Variants in MFSD11 observed in about 807,000 individuals in gnomAD.
MFSD11 encodes the protein UNC93-like protein MFSD11.
A neutral mutation model predicts 53.5 loss-of-function variants in MFSD11; 36 were observed. The ratio of observed to expected loss-of-function variants is 0.67; its 90% CI spans 0.52 to 0.89. The LOEUF (loss-of-function observed/expected upper bound fraction) is 0.89, where lower values mean the gene tolerates loss of function less well. MFSD11 is among the 40% of genes least tolerant of loss of function. The pLI, the probability that MFSD11 is intolerant of heterozygous loss-of-function variation, is 0.00. For synonymous variants in MFSD11, 186 were observed against 184.9 expected (o/e 1.01, Z -0.05); for missense variants, 530 against 543.9 (o/e 0.97, Z 0.25).
intron 8 of MFSD11, among the ~76,000 whole-genome samples, chr17:76,762,528 G>A (rs888953429): frequency 1.3e-5 from 2 of 152,064 alleles, no homozygotes; most frequent in Non-Finnish European, 2.9e-5. Context: ...TTAGCCAGGC[G>A]TAGTGGCGGG....
chr17:76,802,644 C>T, the MFSD11 span, among the ~76,000 whole-genome samples: 4 of 152,120 alleles, frequency 2.6e-5, no homozygotes, highest in Admixed American at 6.6e-5. Context: ...TTCGGGAGGC[C>T]GAGGCAGGCA....
At chr17:76,741,210 A>G (rs2078054554) in intron 3 of MFSD11, 146 bp downstream of exon 3, 2 of 609,730 alleles carry the variant, frequency 3.3e-6, no homozygotes, top group Non-Finnish European at 2.9e-6. Context: ...CTTGTTGCTC[A>G]GGGATATCAT....
At chr17:76,792,062 G>C in the MFSD11 span, among the ~76,000 whole-genome samples, 1 of 148,144 alleles carries the variant, frequency 6.8e-6, no homozygotes, top group Non-Finnish European at 1.5e-5. Flanking sequence ...CTTCCAAAGC[G>C]AATTTTCTCT....
the MFSD11 span, among the ~76,000 whole-genome samples, chr17:76,787,202 C>G: frequency 7.0e-6 from 1 of 142,566 alleles, no homozygotes; most frequent in Non-Finnish European, 1.5e-5. Context: ...GTGGTGTGAT[C>G]TCGACTCACC....
At chr17:76,779,650 A>G (rs1313252253), downstream of MFSD11, among the ~76,000 whole-genome samples, 4 of 152,004 alleles carry the variant, frequency 2.6e-5, no homozygotes, top group Non-Finnish European at 5.9e-5. Context: ...ACACCTGGCT[A>G]ATTTTTGTAT....
At chr17:76,762,441 G>A (rs1441480592) in intron 8 of MFSD11, among the ~76,000 whole-genome samples, 1 of 152,266 alleles carries the variant, frequency 6.6e-6, no homozygotes, top group Admixed American at 6.5e-5. Flanking sequence ...TCCACGCAGA[G>A]TGCTGTAAAC....
intron 7 of MFSD11, among the ~76,000 whole-genome samples, chr17:76,746,814 A>C (rs1324436203): frequency 6.6e-6 from 1 of 152,222 alleles, no homozygotes; most frequent in Non-Finnish European, 1.5e-5. Flanking sequence ...GTACCTGATC[A>C]GCCAAGTGCT....
chr17:76,786,047 C>T (rs1186218407), downstream of MFSD11, among the ~76,000 whole-genome samples: 4 of 120,466 alleles, frequency 3.3e-5, no homozygotes, highest in Admixed American at 1.1e-4. Flanking sequence ...CGCACTCCAG[C>T]ATAGGCAACA....
At chr17:76,762,953 TAA>T (rs1184123164) in intron 8 of MFSD11, among the ~76,000 whole-genome samples, 2 of 152,072 alleles carry the variant, frequency 1.3e-5, no homozygotes, top group Admixed American at 1.3e-4. Flanking sequence ...TGCCTTCAGC[TAA>T]GTTTATCACT....
chr17:76,789,493 A>G, the MFSD11 span, among the ~76,000 whole-genome samples: 3 of 150,122 alleles, frequency 2.0e-5, no homozygotes, highest in Non-Finnish European at 3.0e-5. Context: ...CTTAGTGCAC[A>G]TGTTTGAACC....
At chr17:76,773,029 TG>T (rs2081505748) in intron 10 of MFSD11, 1 of 152,354 alleles carries the variant, frequency 6.6e-6, no homozygotes, top group African/African-American at 2.4e-5. Flanking sequence ...TATACCCAGC[TG>T]AGGGCGGGGC....
At chr17:76,747,542 G>A (rs985966011) in intron 7 of MFSD11, among the ~76,000 whole-genome samples, 2 of 151,846 alleles carry the variant, frequency 1.3e-5, no homozygotes, top group Non-Finnish European at 2.9e-5. Context: ...ACTATGTTGG[G>A]CAGGCTGGTC....
chr17:76,739,553 A>T (rs1040707496), intron 2 of MFSD11, among the ~76,000 whole-genome samples: 3 of 152,238 alleles, frequency 2.0e-5, no homozygotes, highest in Non-Finnish European at 2.9e-5. Context: ...ATATACACAA[A>T]CAGGTTTTTC....
chr17:76,748,940 A>G (rs1288972131), intron 7 of MFSD11, among the ~76,000 whole-genome samples: 1 of 147,090 alleles, frequency 6.8e-6, no homozygotes, highest in African/African-American at 2.5e-5. Context: ...TCCTTCCCCT[A>G]TATTTGAGGT....
the MFSD11 span, among the ~76,000 whole-genome samples, chr17:76,803,540 G>C: frequency 6.6e-6 from 1 of 151,506 alleles, no homozygotes; most frequent in Non-Finnish European, 1.5e-5. Context: ...GAGATGTTTT[G>C]CAGACCCTGC....
In MFSD11 at chr17:76,742,281, T is replaced by G. The variant is rs2078159189; in HGVS notation, c.437+8T>G. The G allele has an allele frequency of 6.2e-7, 1 of 1,607,170 alleles. No homozygotes were observed. The highest frequency in any genetic ancestry group is 8.5e-7 in the Non-Finnish European group (1 of 1,174,038). On this transcript the variant is annotated splice_region_variant and intron_variant, in intron 5 of 12. Coordinates refer to ENST00000685175, the MANE Select transcript of MFSD11 (RefSeq NM_001242532.5). ...GGCACTTCTGCAGTCTAGGTAATTA[T>G]CCTTTTGAGGTTCAGTCTTTCCTTT...
intron 2 of MFSD11, 61 bp from the exon 3 acceptor site, chr17:76,740,896 A>G: frequency 2.2e-6 from 2 of 912,312 alleles, no homozygotes; most frequent in African/African-American, 1.7e-5. Context: ...AAACAGTGAC[A>G]CAGCATATAA....
downstream of MFSD11, chr17:76,781,095 A>G (rs921949224): frequency 2.0e-5 from 3 of 152,126 alleles, no homozygotes; most frequent in African/African-American, 7.2e-5. Context: ...GCGTCTCTCC[A>G]GGCTGCAGTC....
chr17:76,788,617 C>T, the MFSD11 span, among the ~76,000 whole-genome samples: 4 of 149,028 alleles, frequency 2.7e-5, no homozygotes, highest in Non-Finnish European at 6.0e-5. Flanking sequence ...TTTGGGAGGC[C>T]GAGGCAGGTG....
Sources: allele counts gnomAD v4.1 joint callset (sites outside exome capture counted in the v4.1 genomes callset), GRCh38; gene constraint gnomAD v4.1.1; transcripts MANE v1.5; gene names NCBI Gene and HGNC (gene_info 2026-07-23, HGNC 2026-07-21).